The following ZSWIM7 variants were observed in gnomAD, a reference collection of about 807,000 sequenced individuals.
ZSWIM7 encodes zinc finger SWIM-type containing 7.
In ZSWIM7, 22 loss-of-function variants were observed where a neutral mutation model predicts 21.1. The observed-to-expected ratio is 1.04, with a 90% CI of 0.74 to 1.49. The LOEUF is 1.49. Ranked by LOEUF, ZSWIM7 falls within the 40% of genes most tolerant of loss-of-function variation. The pLI is 0.00. For missense variants in ZSWIM7, 193 were observed against 168.0 expected (o/e 1.15, Z -0.82); for synonymous variants, 67 against 66.5 (o/e 1.01, Z -0.04).
intron 3 of ZSWIM7, among the ~76,000 whole-genome samples, chr17:15,983,360 A>AG: frequency 6.6e-6 from 1 of 151,272 alleles, no homozygotes; most frequent in East Asian, 1.9e-4. Context: ...AAAAAAAAAA[A>AG]AAAAAAAAGA....
At chr17:15,988,801 C>T (rs1345052693) in intron 2 of ZSWIM7, among the ~76,000 whole-genome samples, 1 of 151,942 alleles carries the variant, frequency 6.6e-6, no homozygotes, top group Non-Finnish European at 1.5e-5. Context: ...GGCAGATCAC[C>T]AGAGGTCAGG....
intron 1 of ZSWIM7, 83 bp downstream of exon 1, chr17:15,999,436 C>T (rs1970635127): frequency 1.3e-6 from 2 of 1,535,516 alleles, no homozygotes; most frequent in Non-Finnish European, 1.8e-6. Flanking sequence ...CCCGGACACC[C>T]CGCCTCCTGC....
At chr17:15,988,504 T>G (rs556469659) in intron 2 of ZSWIM7, among the ~76,000 whole-genome samples, 1 of 152,104 alleles carries the variant, frequency 6.6e-6, no homozygotes, top group African/African-American at 2.4e-5. Flanking sequence ...TCAACTTTAA[T>G]AGATATTGCC....
At chr17:15,987,178 T>C (rs192742483) in intron 3 of ZSWIM7, 88 bp downstream of exon 3, 1 of 1,082,968 alleles carries the variant, frequency 9.2e-7, no homozygotes, top group African/African-American at 1.6e-5. Context: ...AGGAAATATT[T>C]AAAGCTAGTC....
chr17:15,980,545 G>T (rs956352457), intron 4 of ZSWIM7, among the ~76,000 whole-genome samples: 2 of 152,202 alleles, frequency 1.3e-5, no homozygotes, highest in Admixed American at 6.5e-5. Flanking sequence ...AATAAGGTGT[G>T]TGTGAGTATG....
At chr17:15,987,135 T>A in intron 3 of ZSWIM7, 131 bp downstream of exon 3, 1 of 633,176 alleles carries the variant, frequency 1.6e-6, no homozygotes, top group Non-Finnish European at 2.5e-6. Context: ...TCGTTAATTT[T>A]ACCAAGTTGG....
chr17:15,985,133 AT>A (rs1970394147), intron 3 of ZSWIM7, among the ~76,000 whole-genome samples: 1 of 151,978 alleles, frequency 6.6e-6, no homozygotes, highest in Non-Finnish European at 1.5e-5. Flanking sequence ...GTGAAACCCC[AT>A]CTCTACTAAA....
Position 15,999,228 on chromosome 17 carries a change from G to C in ZSWIM7, c.76+291C>G, listed in dbSNP as rs115974660. On this transcript the variant is annotated intron_variant, in intron 1 of 4. Transcript: ENST00000399277. ...GGGCGGGGACCCCTCCCAGCGACCCGGCCAGCTCTCAGCACTTCGGTCCCC... is the reference window on the plus strand; with the variant it reads ...GGGCGGGGACCCCTCCCAGCGACCCCGCCAGCTCTCAGCACTTCGGTCCCC... Among the ~76,000 whole-genome samples, 598 of 152,262 alleles carry C rather than the reference G, an allele frequency of 3.9e-3. 7 individuals are homozygous for C. The highest frequency in any genetic ancestry group is 0.013 in the African/African-American group (556 of 41,554).
At chr17:15,996,995 C>T (rs1970563055) in intron 1 of ZSWIM7, among the ~76,000 whole-genome samples, 1 of 151,868 alleles carries the variant, frequency 6.6e-6, no homozygotes, top group African/African-American at 2.4e-5. Context: ...CTTGTCTCTA[C>T]AAAAAATACA....
chr17:15,981,294 C>T, intron 3 of ZSWIM7, 150 bp from the exon 4 acceptor site: 1 of 586,946 alleles, frequency 1.7e-6, no homozygotes, highest in Non-Finnish European at 3.1e-6. Flanking sequence ...AACAACTTCT[C>T]TTCCTCCAGT....
chr17:15,995,268 CTCTT>C (rs1172374412), intron 1 of ZSWIM7, among the ~76,000 whole-genome samples: 3 of 151,358 alleles, frequency 2.0e-5, no homozygotes, highest in South Asian at 2.1e-4. Context: ...GACCCCGTCT[CTCTT>C]TTTTTTTTTT....
chr17:15,987,401 C>G (rs760647062), intron 2 of ZSWIM7, 33 bp from the exon 3 acceptor site: 1 of 1,575,364 alleles, frequency 6.3e-7, no homozygotes, highest in Non-Finnish European at 8.7e-7. Context: ...ATTAGAAGGC[C>G]TGATTCTCAA....
intron 3 of ZSWIM7, among the ~76,000 whole-genome samples, chr17:15,982,834 G>T (rs959677642): frequency 1.3e-5 from 2 of 151,884 alleles, no homozygotes; most frequent in East Asian, 1.9e-4. Context: ...AATTTTTTTT[G>T]TAGAGATGGG....
At chr17:15,995,093 C>T (rs182024959) in intron 1 of ZSWIM7, among the ~76,000 whole-genome samples, 3 of 152,034 alleles carry the variant, frequency 2.0e-5, no homozygotes, top group Non-Finnish European at 2.9e-5. Flanking sequence ...AAAACAGGCA[C>T]AAAAACAGGC....
At position 15,977,830 on chromosome 17, in the gene ZSWIM7, T is replaced by G; in HGVS notation, c.*217A>C. ...CGTCTCAGAGACTGGCTCAGGGTAT[T>G]TCTTGACAAGACTGTACAGGGCTTC... is the stretch of plus-strand genomic sequence containing the variant. On this transcript the variant is annotated 3_prime_UTR_variant, in exon 5 of 5. Transcript: ENST00000399277. 1 of 444,472 alleles carries G rather than the reference T, an allele frequency of 2.2e-6. No individual in the cohort carries two copies. The highest frequency in any genetic ancestry group is 1.9e-5 in the African/African-American group (1 of 51,490). 27.5% of individuals were successfully genotyped at this position (444,472 alleles called of 1,614,324 possible). A position where few individuals can be genotyped will look rare whatever the true frequency, so the allele number is the denominator to read the frequency against.
At chr17:15,993,829 T>C (rs369540048) in intron 1 of ZSWIM7, 51 bp from the exon 2 acceptor site, 3 of 1,393,244 alleles carry the variant, frequency 2.2e-6, no homozygotes, top group East Asian at 2.3e-5. Flanking sequence ...GCAGTGACCA[T>C]TGACATAAAA....
intron 1 of ZSWIM7, among the ~76,000 whole-genome samples, chr17:15,996,662 G>C (rs573955316): frequency 6.6e-6 from 1 of 152,020 alleles, no homozygotes; most frequent in African/African-American, 2.4e-5. Flanking sequence ...GTAAGCCTGG[G>C]CAACACAGTG....
rs1053723535 is a variant in ZSWIM7 at position 15,979,195 on chromosome 17, C to T, written c.307-1032G>A. On this transcript the variant is annotated intron_variant, in intron 4 of 4. Coordinates refer to ENST00000399277, the MANE Select transcript of ZSWIM7 (RefSeq NM_001042697.2). Reference sequence around the variant, plus strand: ...ATTAGGGAGTGGTGATGACTCTTAACGAGCATGCTGCCTTCAAGCATCTGT... The same window carrying T: ...ATTAGGGAGTGGTGATGACTCTTAATGAGCATGCTGCCTTCAAGCATCTGT... 4.6e-5 allele frequency among the ~76,000 whole-genome samples: 7 copies of T among 151,840 alleles called. No individual in the cohort carries two copies. The East Asian group carries it at 1.2e-3, about 25-fold the overall frequency.
chr17:15,990,541 G>A (rs1341027928), intron 2 of ZSWIM7, among the ~76,000 whole-genome samples: 1 of 151,784 alleles, frequency 6.6e-6, no homozygotes, highest in African/African-American at 2.4e-5. Context: ...TACCACACCC[G>A]GCCTAAGTGT....
Sources: allele counts gnomAD v4.1 joint callset (sites outside exome capture counted in the v4.1 genomes callset), GRCh38; gene constraint gnomAD v4.1.1; transcripts MANE v1.5; gene names NCBI Gene and HGNC (gene_info 2026-07-23, HGNC 2026-07-21).